SORL1: variants seen among roughly 807,000 people sequenced by gnomAD.
SORL1 encodes the protein sortilin related receptor 1.
SORL1 carries 127 observed loss-of-function variants against 273.7 expected under a neutral mutation model. That is an observed-to-expected ratio of 0.46 (90% CI 0.40 to 0.54). The LOEUF (loss-of-function observed/expected upper bound fraction) is 0.54, where lower values mean the gene tolerates loss of function less well. Ranked by LOEUF, SORL1 falls within the 20% of genes least tolerant of loss-of-function variation. The pLI, the probability that SORL1 is intolerant of heterozygous loss-of-function variation, is 0.00. For missense variants in SORL1, 2,494 were observed against 2,846.1 expected, an observed-to-expected ratio of 0.88 and a Z score of 2.81; for synonymous variants, 1,031 against 1,067.4, an observed-to-expected ratio of 0.97 and a Z score of 0.66.
rs1044673084 is a variant in SORL1 at position 121,577,403 on chromosome 11, C to T, written c.3580+3C>T. The T allele has an allele frequency of 1.3e-6, 2 of 1,594,218 alleles. No homozygotes were observed. Among genetic ancestry groups the T allele is most frequent in the Non-Finnish European group, 1.7e-6 (2 of 1,170,552 alleles). On this transcript the variant is annotated splice_donor_region_variant and intron_variant, in intron 25 of 47. Coordinates refer to ENST00000260197, the MANE Select transcript of SORL1 (RefSeq NM_003105.6). ...GTCTGATGAAGCCAACTGTACCGGT[C>T]AGTACTTCCTGGACTCAGTTGACAG...
intron 2 of SORL1, among the ~76,000 whole-genome samples, chr11:121,470,340 T>C (rs945678306): frequency 3.9e-5 from 6 of 152,206 alleles, no homozygotes; most frequent in Non-Finnish European, 7.3e-5. Flanking sequence ...CAATGTGTGA[T>C]TACCTTTGGG....
intron 1 of SORL1, among the ~76,000 whole-genome samples, chr11:121,462,799 G>T (rs189770754): frequency 2.6e-5 from 4 of 152,278 alleles, no homozygotes; most frequent in Admixed American, 6.5e-5. Flanking sequence ...TGTCTAGGCT[G>T]GTCTTGAACT....
At chr11:121,461,518 T>G (rs1443736386) in intron 1 of SORL1, among the ~76,000 whole-genome samples, 1 of 152,182 alleles carries the variant, frequency 6.6e-6, no homozygotes, top group Non-Finnish European at 1.5e-5. Context: ...CCATTAGTCT[T>G]GTTTATAGCT....
At chr11:121,541,376 T>A (rs1017241892) in intron 12 of SORL1, among the ~76,000 whole-genome samples, 13 of 152,042 alleles carry the variant, frequency 8.6e-5, no homozygotes, top group Non-Finnish European at 1.5e-4. Flanking sequence ...ACTAATTTTT[T>A]AAAAAAATTT....
At chr11:121,478,359 G>T in intron 3 of SORL1, 116 bp downstream of exon 3, 1 of 1,210,288 alleles carries the variant, frequency 8.3e-7, no homozygotes, top group South Asian at 1.6e-5. Context: ...TAGCATGACT[G>T]GTGGCTAGTG....
At chr11:121,584,986 T>C (rs1417628725) in intron 26 of SORL1, among the ~76,000 whole-genome samples, 2 of 152,332 alleles carry the variant, frequency 1.3e-5, no homozygotes, top group Admixed American at 6.5e-5. Context: ...GATACCTTAG[T>C]TGTAGTTTAA....
At chr11:121,506,536 C>T (rs1053287317) in intron 6 of SORL1, among the ~76,000 whole-genome samples, 2 of 152,166 alleles carry the variant, frequency 1.3e-5, no homozygotes, top group African/African-American at 2.4e-5. Flanking sequence ...ACAGTGATAA[C>T]ACTATCATGG....
intron 41 of SORL1, among the ~76,000 whole-genome samples, chr11:121,617,910 T>A (rs1055605487): frequency 6.6e-6 from 1 of 152,198 alleles, no homozygotes; most frequent in African/African-American, 2.4e-5. Context: ...TAAAACAAGT[T>A]TAGAGTTGAG....
At chr11:121,601,486 T>G (rs1393405847) in intron 32 of SORL1, among the ~76,000 whole-genome samples, 1 of 151,556 alleles carries the variant, frequency 6.6e-6, no homozygotes, top group African/African-American at 2.4e-5. Context: ...ACTTCCACAA[T>G]GGTTGAACTA....
At position 121,632,611 on chromosome 11, in the gene SORL1, C is replaced by G. The variant is rs1367777887; in HGVS notation, c.*3048C>G. ...GTTTGGCCCACTAGATGAAGCTGTA[C>G]TCAGCAATTTAGGGAATGTAACCCT... On this transcript the variant is annotated 3_prime_UTR_variant, in exon 48 of 48. Coordinates refer to ENST00000260197, the MANE Select transcript of SORL1 (RefSeq NM_003105.6). 6.6e-6 allele frequency: 1 copy of G among 151,488 alleles called. No homozygotes were observed. The highest frequency in any genetic ancestry group is 1.5e-5 in the Non-Finnish European group (1 of 67,976). 9.4% of individuals were successfully genotyped at this position (151,488 alleles called of 1,614,324 possible).
intron 40 of SORL1, 43 bp from the exon 41 acceptor site, chr11:121,614,828 A>AC (rs757658126): frequency 3.9e-6 from 6 of 1,549,270 alleles, no homozygotes; most frequent in Non-Finnish European, 5.3e-6. Context: ...CTTGACTAAC[A>AC]CCCCCAACTT....
At position 121,496,883 on chromosome 11, in the gene SORL1, A is replaced by C. The variant is rs201465902; in HGVS notation, c.773A>C (p.Tyr258Ser). The C allele has an allele frequency of 3.7e-6, 6 of 1,608,432 alleles. No homozygotes were observed. The highest frequency in any genetic ancestry group is 5.1e-6 in the Non-Finnish European group (6 of 1,177,566). The change falls in exon 6 of 48, where the codon TAT becomes TCT. Residue 258 changes from tyrosine to serine, a missense_variant. This residue lies in a region of SORL1 where 710 missense variants were observed against 882.5 expected (regional missense o/e 0.80). Transcript: ENST00000260197. The part of the protein sequence containing the change: ...VKSFSWGIDP[Y>S]DKPNTIYIER... Reference sequence around the variant, plus strand: ...TTTTCTGCCAGGGGAATTGATCCCTATGACAAACCAAATACCATCTACATT... The same window carrying C: ...TTTTCTGCCAGGGGAATTGATCCCTCTGACAAACCAAATACCATCTACATT...
chr11:121,619,088 G>T (rs1863683622), intron 42 of SORL1, among the ~76,000 whole-genome samples, 195 bp downstream of exon 42: 2 of 152,166 alleles, frequency 1.3e-5, no homozygotes, highest in African/African-American at 4.8e-5. Context: ...TTCACCAACT[G>T]CAGCTCCGTT....
At position 121,590,065 on chromosome 11, in the gene SORL1, C is replaced by T. The variant is rs1863185741; in HGVS notation, c.4104C>T (p.Cys1368=). ...AAAACCCCACAGAAGCCCCAAACTG[C>T]TCCCGCTACTTCCAGTTTCGGTGTG... ...NCENPTEAPN[C]SRYFQFRCEN... is the part of the protein sequence containing the mutation. Residue 1368 remains cysteine (C), a synonymous_variant, in exon 30 of 48, where the codon TGC becomes TGT. Transcript: ENST00000260197. 2 of 1,614,038 alleles carry T rather than the reference C, an allele frequency of 1.2e-6. No homozygotes were observed. Among genetic ancestry groups the T allele is most frequent in the African/African-American group, 1.3e-5 (1 of 74,920 alleles).
intron 9 of SORL1, among the ~76,000 whole-genome samples, chr11:121,521,230 C>A (rs1276190670): frequency 6.6e-6 from 1 of 152,056 alleles, no homozygotes; most frequent in Admixed American, 6.5e-5. Context: ...GAGACTCTTA[C>A]CTTAGAATTT....
At chr11:121,530,811 T>C (rs1862193017) in intron 11 of SORL1, among the ~76,000 whole-genome samples, 1 of 152,208 alleles carries the variant, frequency 6.6e-6, no homozygotes, top group African/African-American at 2.4e-5. Context: ...CTTGGCAATC[T>C]TTCTTTCTTT....
chr11:121,587,845 A>G (rs1268429012), intron 27 of SORL1, among the ~76,000 whole-genome samples, 175 bp from the exon 28 acceptor site: 6 of 152,216 alleles, frequency 3.9e-5, no homozygotes, highest in Non-Finnish European at 1.5e-5. Flanking sequence ...TTAATGATGC[A>G]CTTTATGTCA....
intron 21 of SORL1, among the ~76,000 whole-genome samples, chr11:121,561,440 T>G (rs1249854524): frequency 1.3e-5 from 2 of 152,196 alleles, no homozygotes; most frequent in Non-Finnish European, 2.9e-5. Context: ...TTCCCTTTCA[T>G]GCCTCAAAGA....
chr11:121,625,230 A>G lies in SORL1; in HGVS notation c.6317A>G (p.Gln2106Arg). 1 of 1,614,158 alleles carries G rather than the reference A, an allele frequency of 6.2e-7. No homozygotes were observed. Among genetic ancestry groups the G allele is most frequent in the African/African-American group, 1.3e-5 (1 of 75,044 alleles). Residue 2106 changes from glutamine to arginine, a missense_variant, in exon 46 of 48, where the codon CAG (glutamine) becomes CGG (arginine). Around this residue, in one of 3 missense-constraint regions of SORL1, gnomAD observed 1,609 missense variants for 1,816.4 expected, o/e 0.89. Coordinates refer to ENST00000260197, the MANE Select transcript of SORL1 (RefSeq NM_003105.6). ...TVQARCLFGN[Q>R]ICGEPAILLY... ...CAAGCAAGATGCCTTTTTGGCAACCAGATCTGTGGGGAGCCTGCCATCCTG... is the reference window on the plus strand; with the variant it reads ...CAAGCAAGATGCCTTTTTGGCAACCGGATCTGTGGGGAGCCTGCCATCCTG...
Sources: gnomAD v4.1 joint callset for allele counts (sites outside exome capture counted in the v4.1 genomes callset) on GRCh38, gnomAD v4.1.1 for gene constraint, gnomAD v4.1.1 regional missense constraint, MANE v1.5 for transcripts, NCBI Gene and HGNC (gene_info 2026-07-23, HGNC 2026-07-21) for gene names.